The following ADGRL3 variants were observed in gnomAD, a reference collection of about 807,000 sequenced individuals.
ADGRL3 encodes calcium-independent alpha-latrotoxin receptor 3.
Under a neutral mutation model 153.5 loss-of-function variants are expected in ADGRL3, and 62 were observed. That is an observed-to-expected ratio of 0.40 (90% CI 0.33 to 0.50). ADGRL3 has a LOEUF of 0.50. ADGRL3 is among the 20% of genes least tolerant of loss of function. The pLI, the probability that ADGRL3 is intolerant of heterozygous loss-of-function variation, is 0.47. For synonymous variants in ADGRL3, 710 were observed against 672.5 expected, an observed-to-expected ratio of 1.06 and a Z score of -0.86; for missense variants, 1,641 against 1,859.4, an observed-to-expected ratio of 0.88 and a Z score of 2.16.
chr4:61,954,183 G>GCTA (rs2150380961), intron 17 of ADGRL3, among the ~76,000 whole-genome samples: 2 of 152,002 alleles, frequency 1.3e-5, no homozygotes, highest in South Asian at 4.2e-4. Flanking sequence ...TTAGTAAAAG[G>GCTA]CTACTCTGTT....
chr4:62,021,468 G>T (rs191059276), intron 21 of ADGRL3, among the ~76,000 whole-genome samples: 1 of 152,176 alleles, frequency 6.6e-6, no homozygotes, highest in African/African-American at 2.4e-5. Context: ...ATCATGGAAT[G>T]ATATTATTAT....
intron 1 of ADGRL3, among the ~76,000 whole-genome samples, chr4:61,248,828 TAGTGTCTAA>T (rs1758073018): frequency 6.6e-6 from 1 of 152,162 alleles, no homozygotes; most frequent in Admixed American, 6.6e-5. Context: ...AGGGAATGAA[TAGTGTCTAA>T]ATCTGCTTTA....
rs1396833086 is a variant in ADGRL3, at chr4:61,202,517, C to A, written c.-240+752C>A. Among the ~76,000 whole-genome samples, 1 of 151,914 alleles carries A rather than the reference C, an allele frequency of 6.6e-6. No homozygotes were observed. The highest frequency in any genetic ancestry group is 1.5e-5 in the Non-Finnish European group (1 of 67,994). ...CTGGTAGTGGGCACTGGGCGGGGGG[C>A]GGCGGTGTTGCACGAATCCGGGCGG... On this transcript the variant is annotated intron_variant, in intron 1 of 26. Coordinates refer to ENST00000683033, the MANE Select transcript of ADGRL3 (RefSeq NM_001387552.1). This position sits in a 1 kb window ranked among gnomAD's most constrained non-coding sequence, Gnocchi z 5.0.
chr4:61,463,785 C>T (rs335340), intron 2 of ADGRL3, among the ~76,000 whole-genome samples: 140,467 of 152,150 alleles, frequency 0.92, 65,897 homozygotes, highest in East Asian at 1. Flanking sequence ...ATTATGAGGA[C>T]GGGGTGGGTA....
intron 8 of ADGRL3, among the ~76,000 whole-genome samples, chr4:61,798,127 T>C (rs2097437631): frequency 6.6e-6 from 1 of 152,212 alleles, no homozygotes; most frequent in African/African-American, 2.4e-5. Context: ...AGCATGAATT[T>C]TCTGAAACAA....
rs140443786 is a variant in ADGRL3, at chr4:61,756,688, G to A, written c.1399+23134G>A. Among the ~76,000 whole-genome samples, 22 of 152,266 alleles carry A rather than the reference G, an allele frequency of 1.4e-4. 1 individual carries two copies. In the East Asian group the frequency reaches 4.2e-3, roughly 29 times the overall value. ...AGGAGTGGTGAAAAAGGGCATCCCT[G>A]TCTTGTGCCGGTTTCCAAAGGGAAT... On this transcript the variant is annotated intron_variant, in intron 8 of 26. Coordinates refer to ENST00000683033, the MANE Select transcript of ADGRL3 (RefSeq NM_001387552.1).
At chr4:61,261,189 C>A in intron 1 of ADGRL3, among the ~76,000 whole-genome samples, 1 of 118,256 alleles carries the variant, frequency 8.5e-6, no homozygotes, top group Non-Finnish European at 1.7e-5. Context: ...TCATCTTCTT[C>A]TTTTTTTTTT....
chr4:61,968,457 A>G (rs1247680548), intron 17 of ADGRL3, among the ~76,000 whole-genome samples: 1 of 152,156 alleles, frequency 6.6e-6, no homozygotes, highest in African/African-American at 2.4e-5. Context: ...CTCATCTGTC[A>G]TATATTTAAA....
At chr4:61,939,935 A>AT (rs921362745) in intron 15 of ADGRL3, among the ~76,000 whole-genome samples, 3 of 150,536 alleles carry the variant, frequency 2.0e-5, no homozygotes, top group Non-Finnish European at 3.0e-5. Flanking sequence ...TTTTTTTTTA[A>AT]TTTTTTTATT....
intron 3 of ADGRL3, among the ~76,000 whole-genome samples, chr4:61,503,414 G>A (rs1054038444): frequency 1.3e-5 from 2 of 151,808 alleles, no homozygotes; most frequent in Non-Finnish European, 2.9e-5. Flanking sequence ...GACTTCTGTA[G>A]GGTTGTTGTT....
chr4:61,972,903 A>G (rs1195560539), intron 17 of ADGRL3, among the ~76,000 whole-genome samples: 1 of 152,090 alleles, frequency 6.6e-6, no homozygotes, highest in Non-Finnish European at 1.5e-5. Flanking sequence ...GCAAAAAGTA[A>G]AACAGGTTCT....
At chr4:61,691,473 C>T (rs1268113860) in intron 6 of ADGRL3, among the ~76,000 whole-genome samples, 3 of 152,060 alleles carry the variant, frequency 2.0e-5, no homozygotes, top group African/African-American at 4.8e-5. Context: ...TAAAGAGTCC[C>T]ATTGCTTACT....
intron 5 of ADGRL3, among the ~76,000 whole-genome samples, chr4:61,630,970 T>C (rs1233115932): frequency 6.6e-6 from 1 of 152,232 alleles, no homozygotes. Context: ...GCTTACTACG[T>C]GATTAAATGA....
chr4:61,398,234 T>C (rs1341248985), intron 2 of ADGRL3, among the ~76,000 whole-genome samples: 1 of 148,682 alleles, frequency 6.7e-6, no homozygotes, highest in Non-Finnish European at 1.5e-5. Flanking sequence ...AGAAAGCAGA[T>C]TTTGAAACTT....
intron 2 of ADGRL3, among the ~76,000 whole-genome samples, chr4:61,464,477 G>T (rs1057288934): frequency 6.6e-6 from 1 of 151,954 alleles, no homozygotes; most frequent in South Asian, 2.1e-4. Context: ...GATCTGTATT[G>T]TTTCTTTATA....
At chr4:61,371,298 G>T (rs1368973933) in intron 1 of ADGRL3, among the ~76,000 whole-genome samples, 1 of 150,360 alleles carries the variant, frequency 6.7e-6, no homozygotes. Context: ...TATTTTGCTC[G>T]TTAGTTGATG....
intron 1 of ADGRL3, among the ~76,000 whole-genome samples, chr4:61,315,854 G>A (rs1474370796): frequency 6.6e-6 from 1 of 152,160 alleles, no homozygotes; most frequent in Non-Finnish European, 1.5e-5. Context: ...TGTAGACTAA[G>A]TTTGCCTTCT....
At chr4:61,898,072 A>T (rs925145701) in intron 11 of ADGRL3, among the ~76,000 whole-genome samples, 1 of 152,090 alleles carries the variant, frequency 6.6e-6, no homozygotes, top group African/African-American at 2.4e-5. Flanking sequence ...CCCTGACCTT[A>T]CTTACCCTCC....
chr4:61,574,883 A>C (rs952144638), intron 4 of ADGRL3, among the ~76,000 whole-genome samples: 4 of 151,748 alleles, frequency 2.6e-5, no homozygotes, highest in Non-Finnish European at 4.4e-5. Context: ...TATATGAGAA[A>C]ATTTTAGTAT....
Sources: gnomAD v4.1 joint callset for allele counts (sites outside exome capture counted in the v4.1 genomes callset) on GRCh38, gnomAD v4.1.1 for gene constraint, Gnocchi (gnomAD v3.1) non-coding constraint, MANE v1.5 for transcripts, NCBI Gene and HGNC (gene_info 2026-07-23, HGNC 2026-07-21) for gene names.